RNF149: variants seen among roughly 807,000 people sequenced by gnomAD.
The protein encoded by RNF149 is ring finger protein 149.
RNF149 carries 21 observed loss-of-function variants against 39.0 expected under a neutral mutation model. The observed-to-expected ratio is 0.54, with a 90% CI of 0.38 to 0.77. RNF149 has a LOEUF of 0.77. RNF149 is among the 30% of genes least tolerant of loss of function. The probability of loss-of-function intolerance (pLI) is 0.00; values close to 1 mark genes in which losing one functional copy is unlikely to be tolerated. For missense variants in RNF149, 493 were observed against 534.9 expected (o/e 0.92, Z 0.77); for synonymous variants, 209 against 213.6 (o/e 0.98, Z 0.19).
downstream of RNF149, chr2:101,273,324 CAT>C (rs1317818082): frequency 1.1e-5 from 5 of 470,964 alleles, no homozygotes; most frequent in East Asian, 6.9e-5. Context: ...GTCCACATGA[CAT>C]GTGAACACAT....
intron 6 of RNF149, chr2:101,281,654 C>T: frequency 3.4e-6 from 2 of 583,362 alleles, no homozygotes; most frequent in Non-Finnish European, 6.0e-6. Context: ...GAGAATGCCA[C>T]CATACCTGGC....
intron 6 of RNF149, 38 bp downstream of exon 6, chr2:101,281,821 G>T (rs370993050): frequency 3.4e-5 from 55 of 1,609,800 alleles, no homozygotes; most frequent in Non-Finnish European, 4.6e-5. Context: ...ACCACTCCTG[G>T]CCACATTCTA....
rs1420600799 is a variant in RNF149 at position 101,308,673 on chromosome 2, C to A, written c.-85G>T. 5.6e-6 allele frequency: 7 copies of A among 1,259,012 alleles called. No homozygotes were observed. The South Asian group carries it at 1.1e-4, about 21-fold the overall frequency. 78.0% of individuals were successfully genotyped at this position (1,259,012 alleles called of 1,614,324 possible). ...AAGAGCAGAGAGAAGCGGACACCCACCGCCGCCCTGGAAGACTGAGGCGGG... is the reference window on the plus strand; with the variant it reads ...AAGAGCAGAGAGAAGCGGACACCCAACGCCGCCCTGGAAGACTGAGGCGGG... On this transcript the variant is annotated 5_prime_UTR_variant, in exon 1 of 7. Transcript: ENST00000295317.
chr2:101,289,647 G>A (rs1430299634), intron 3 of RNF149, among the ~76,000 whole-genome samples: 1 of 150,576 alleles, frequency 6.6e-6, no homozygotes. Flanking sequence ...GGAGGTTGCA[G>A]TGAGCCAAGA....
Position 101,306,024 on chromosome 2 carries a change from G to A in RNF149, c.460+2105C>T, listed in dbSNP as rs140822983. ...CACTAAAAAGGCTAGAATGGACACC[G>A]ATAATGGGAAGAGAAGCTCCGAAGA... is the stretch of plus-strand genomic sequence containing the variant. On this transcript the variant is annotated intron_variant, in intron 1 of 6. Transcript: ENST00000295317. Among the ~76,000 whole-genome samples the A allele has an allele frequency of 6.1e-3, 933 of 152,274 alleles. 13 individuals carry two copies. The highest frequency in any genetic ancestry group is 0.041 in the South Asian group (200 of 4,824).
rs925603015 is a variant in RNF149, at chr2:101,308,386, G to T, written c.203C>A (p.Ser68Ter). The T allele has an allele frequency of 6.2e-7, 1 of 1,609,870 alleles. No homozygotes were observed. Among genetic ancestry groups the T allele is most frequent in the African/African-American group, 1.3e-5 (1 of 74,426 alleles). The change falls in exon 1 of 7, where the codon TCG becomes TAG. Residue 68 changes from serine (S) to a stop codon, truncating the protein, a stop_gained. Coordinates refer to ENST00000295317, the MANE Select transcript of RNF149 (RefSeq NM_173647.4). LOFTEE classifies it high-confidence loss of function. ...CAGGCCATGCGCGCCCTCCTTGGGC[G>T]AGCTGTCGCCGAAGCGGCCACTCTC... is the stretch of plus-strand genomic sequence containing the variant. ...VSESGRFGDSSPKEGAHGLVG... is the reference protein window; with the variant it reads ...VSESGRFGDS
In RNF149 at chr2:101,276,247, CTTT is replaced by C; in HGVS notation, c.*988_*990del. On this transcript the variant is annotated 3_prime_UTR_variant, in exon 7 of 7. Transcript: ENST00000295317. ...AAATAGCAGAGTGTGTGTTTAATCACTTTTTAACACTTAGCAGTCTCCAAAAGC... is the reference window on the plus strand; with the variant it reads ...AAATAGCAGAGTGTGTGTTTAATCACTTAACACTTAGCAGTCTCCAAAAGC... 3 of 985,404 alleles carry C rather than the reference CTTT, an allele frequency of 3.0e-6. No homozygotes were observed. The highest frequency in any genetic ancestry group is 2.4e-6 in the Non-Finnish European group (2 of 829,918). The allele number at this position is 985,404 out of a possible 1,614,324, so 61.0% of individuals were successfully genotyped here.
chr2:101,306,594 C>T (rs574810095), intron 1 of RNF149, among the ~76,000 whole-genome samples: 1 of 152,306 alleles, frequency 6.6e-6, no homozygotes, highest in African/African-American at 2.4e-5. Context: ...TGGACTCAGC[C>T]TTCTTGCCTT....
chr2:101,276,738 TA>T lies in RNF149; in HGVS notation c.*499del, dbSNP rs1682358360. On this transcript the variant is annotated 3_prime_UTR_variant, in exon 7 of 7. Coordinates refer to ENST00000295317, the MANE Select transcript of RNF149 (RefSeq NM_173647.4). Reference sequence around the variant, plus strand: ...ATACACTACAGATGGGCAAAAAAGCTACAGACATCTCAGTTTACAAGTTTCA... The same window carrying T: ...ATACACTACAGATGGGCAAAAAAGCTCAGACATCTCAGTTTACAAGTTTCA... 1.0e-6 allele frequency: 1 copy of T among 988,822 alleles called. No homozygotes were observed. The highest frequency in any genetic ancestry group is 5.9e-5 in the Admixed American group (1 of 17,028). 61.3% of individuals were successfully genotyped at this position (988,822 alleles called of 1,614,324 possible).
chr2:101,281,203 T>A (rs996375009), intron 6 of RNF149, among the ~76,000 whole-genome samples: 5 of 151,314 alleles, frequency 3.3e-5, no homozygotes, highest in Non-Finnish European at 7.4e-5. Flanking sequence ...TTCAAGAAAT[T>A]ATAGAAAATT....
chr2:101,287,825 A>C (rs1682853419), intron 4 of RNF149, among the ~76,000 whole-genome samples: 1 of 152,366 alleles, frequency 6.6e-6, no homozygotes, highest in Middle Eastern at 3.4e-3. Flanking sequence ...ACTTGGATAT[A>C]TACTAACGTA....
Position 101,290,095 on chromosome 2 carries a change from G to T in RNF149, c.781-1040C>A, listed in dbSNP as rs184201350. On this transcript the variant is annotated intron_variant, in intron 3 of 6. Coordinates refer to ENST00000295317, the MANE Select transcript of RNF149 (RefSeq NM_173647.4). Reference sequence around the variant, plus strand: ...CTCTAGAGGCTGAGGCAGGAGAATCGCTTGAACCCAGGAGGTGGAGGTTGC... The same window carrying T: ...CTCTAGAGGCTGAGGCAGGAGAATCTCTTGAACCCAGGAGGTGGAGGTTGC... Among the ~76,000 whole-genome samples, 8 of 152,220 alleles carry T rather than the reference G, an allele frequency of 5.3e-5. No homozygotes were observed. The South Asian group carries it at 1.7e-3, about 32-fold the overall frequency.
chr2:101,288,230 CTTTTTTTT>C (rs554652378), intron 4 of RNF149, among the ~76,000 whole-genome samples: 2 of 60,576 alleles, frequency 3.3e-5, no homozygotes, highest in Non-Finnish European at 5.7e-5. Context: ...GAAAGAAAAA[CTTTTTTTT>C]TTTTTTTTTT....
rs368050637 is a variant in RNF149, at chr2:101,276,771, T to TA, written c.*466dup. Reference sequence around the variant, plus strand: ...TCTCAGTTTACAAGTTTCAAGTTCTTAAAAAAAAAACAACAAAAAAAACCT... The same window carrying TA: ...TCTCAGTTTACAAGTTTCAAGTTCTTAAAAAAAAAAACAACAAAAAAAACCT... On this transcript the variant is annotated 3_prime_UTR_variant, in exon 7 of 7. Transcript: ENST00000295317. 9.9e-3 allele frequency: 8,141 copies of TA among 819,932 alleles called. 2 individuals are homozygous for TA. The highest frequency in any genetic ancestry group is 0.011 in the South Asian group (208 of 18,666). The allele number at this position is 819,932 out of a possible 1,614,324, so 50.8% of individuals were successfully genotyped here. A position where few individuals can be genotyped will look rare whatever the true frequency, so the allele number is the denominator to read the frequency against.
At chr2:101,273,614 A>G (rs1682223217), downstream of RNF149, among the ~76,000 whole-genome samples, 1 of 151,806 alleles carries the variant, frequency 6.6e-6, no homozygotes, top group Admixed American at 6.6e-5. Flanking sequence ...CTGGGACTAC[A>G]GGCAGATGCC....
rs1180069717 is a variant in RNF149 at position 101,275,693 on chromosome 2, G to A, written c.*1545C>T. 2.8e-6 allele frequency: 1 copy of A among 358,492 alleles called. No individual in the cohort carries two copies. The highest frequency in any genetic ancestry group is 3.9e-6 in the Non-Finnish European group (1 of 257,958). 22.2% of individuals were successfully genotyped at this position (358,492 alleles called of 1,614,324 possible). On this transcript the variant is annotated 3_prime_UTR_variant, in exon 7 of 7. Transcript: ENST00000295317. The stretch of plus-strand genomic sequence containing the variant: ...CCTGACCTCGTGATCCGCCCGCCTC[G>A]GCCTCCCAAAGTGCTGGGATTACAG...
downstream of RNF149, chr2:101,272,990 G>A: frequency 7.4e-7 from 1 of 1,352,406 alleles, no homozygotes; most frequent in African/African-American, 1.5e-5. Context: ...TGTGCCCATG[G>A]AGAGCAAACT....
chr2:101,307,866 G>T, intron 1 of RNF149: 1 of 985,430 alleles, frequency 1.0e-6, no homozygotes, highest in Non-Finnish European at 1.2e-6. Flanking sequence ...GCCTCCTTCT[G>T]TGGATTTTAA....
intron 3 of RNF149, among the ~76,000 whole-genome samples, chr2:101,292,509 G>C (rs1026326336): frequency 4.6e-5 from 7 of 152,210 alleles, no homozygotes; most frequent in Non-Finnish European, 1.0e-4. Context: ...GCTCACGCCT[G>C]TAATCCCAGA....
Sources: gnomAD v4.1 joint callset for allele counts (sites outside exome capture counted in the v4.1 genomes callset) on GRCh38, gnomAD v4.1.1 for gene constraint, MANE v1.5 for transcripts, NCBI Gene and HGNC (gene_info 2026-07-23, HGNC 2026-07-21) for gene names.